Variants in RNF150 observed in about 807,000 individuals in gnomAD.
RNF150 encodes the protein ring finger protein 150.
Under a neutral mutation model 39.3 loss-of-function variants are expected in RNF150, and 24 were observed. That is an observed-to-expected ratio of 0.61 (90% confidence interval 0.44 to 0.86). The LOEUF (loss-of-function observed/expected upper bound fraction) is 0.86, where lower values mean the gene tolerates loss of function less well. Among genes scored for constraint, RNF150 ranks in the 40% least tolerant of loss-of-function variants. The probability of loss-of-function intolerance (pLI) is 0.00; values close to 1 mark genes in which losing one functional copy is unlikely to be tolerated. For missense variants in RNF150, 502 were observed against 587.8 expected, an observed-to-expected ratio of 0.85 and a Z score of 1.51; for synonymous variants, 255 against 227.3, an observed-to-expected ratio of 1.12 and a Z score of -1.10.
intron 1 of RNF150, among the ~76,000 whole-genome samples, chr4:141,144,993 G>T (rs1285894173): frequency 6.6e-6 from 1 of 152,128 alleles, no homozygotes; most frequent in Non-Finnish European, 1.5e-5. Context: ...GTAACACATG[G>T]TCTGGACTTC....
At chr4:140,913,132 G>A (rs148813863) in intron 5 of RNF150, among the ~76,000 whole-genome samples, 3,144 of 152,228 alleles carry the variant, frequency 0.021, 28 homozygotes, top group East Asian at 0.039. Flanking sequence ...GTGGTGGTGC[G>A]CACCTGTAGT....
At chr4:141,183,628 T>G (rs955500163) in intron 1 of RNF150, among the ~76,000 whole-genome samples, 2 of 152,056 alleles carry the variant, frequency 1.3e-5, no homozygotes, top group African/African-American at 4.8e-5. Flanking sequence ...TGGTACTGTT[T>G]AAGCCCCACA....
At chr4:141,118,302 T>C (rs73849812) in intron 1 of RNF150, among the ~76,000 whole-genome samples, 1,823 of 152,312 alleles carry the variant, frequency 0.012, 36 homozygotes, top group African/African-American at 0.042. Context: ...CCTTGGCAAT[T>C]GAACATAGGT....
At chr4:140,968,554 T>C (rs1319325688) in intron 1 of RNF150, among the ~76,000 whole-genome samples, 3 of 151,730 alleles carry the variant, frequency 2.0e-5, no homozygotes, top group Non-Finnish European at 4.4e-5. Flanking sequence ...AGAAGTATGG[T>C]GCAATGTTTC....
At chr4:141,122,033 C>A (rs910024911) in intron 1 of RNF150, among the ~76,000 whole-genome samples, 11 of 152,138 alleles carry the variant, frequency 7.2e-5, no homozygotes, top group African/African-American at 2.7e-4. Context: ...AATATGCAGT[C>A]AGGGTGGAGA....
chr4:141,101,556 TTAAAA>T, intron 1 of RNF150, among the ~76,000 whole-genome samples: 1 of 152,230 alleles, frequency 6.6e-6, no homozygotes, highest in East Asian at 1.9e-4. Flanking sequence ...AGAGTATACT[TTAAAA>T]TAATAATAAA....
In RNF150 at chr4:140,862,899, C is replaced by A. The variant is rs1728548346; in HGVS notation, c.*5362G>T. On this transcript the variant is annotated 3_prime_UTR_variant, in exon 7 of 7. Transcript: ENST00000515673. ...TTTGACCAGCTCCCTGATCAGAGATCCTGCCATCCTCTTTTCTTACTTCCT... is the reference window on the plus strand; with the variant it reads ...TTTGACCAGCTCCCTGATCAGAGATACTGCCATCCTCTTTTCTTACTTCCT... The A allele has an allele frequency of 6.6e-6, 1 of 152,172 alleles. No homozygotes were observed. The highest frequency in any genetic ancestry group is 2.1e-4 in the South Asian group (1 of 4,818). 9.4% of individuals were successfully genotyped at this position (152,172 alleles called of 1,614,324 possible). A position where few individuals can be genotyped will look rare whatever the true frequency, so the allele number is the denominator to read the frequency against.
intron 1 of RNF150, among the ~76,000 whole-genome samples, chr4:141,087,102 T>C (rs1319269470): frequency 1.3e-5 from 2 of 152,190 alleles, no homozygotes; most frequent in Admixed American, 6.5e-5. Flanking sequence ...TTAAGCTCAG[T>C]GCTCAATAGT....
chr4:140,896,915 C>T (rs1054359075), intron 6 of RNF150, among the ~76,000 whole-genome samples: 2 of 152,082 alleles, frequency 1.3e-5, no homozygotes, highest in East Asian at 3.9e-4. Context: ...AGCAGACTTC[C>T]CCAGATAGCA....
chr4:141,023,394 C>T (rs1368857454), intron 1 of RNF150, among the ~76,000 whole-genome samples: 1 of 149,918 alleles, frequency 6.7e-6, no homozygotes, highest in African/African-American at 2.5e-5. Context: ...TACAGGCGTG[C>T]ACCACCACAC....
intron 1 of RNF150, among the ~76,000 whole-genome samples, chr4:141,091,361 A>G (rs1187969138): frequency 1.3e-5 from 2 of 152,212 alleles, no homozygotes; most frequent in African/African-American, 4.8e-5. Context: ...TAGGAATTTG[A>G]GATTTTTCTT....
At chr4:140,885,667 C>T (rs1204381477) in intron 6 of RNF150, among the ~76,000 whole-genome samples, 2 of 150,124 alleles carry the variant, frequency 1.3e-5, no homozygotes, top group Non-Finnish European at 3.0e-5. Context: ...AACTCCTGAC[C>T]TCAGGTGATC....
rs1429375663 is a variant in RNF150, at chr4:140,863,803, A to G, written c.*4458T>C. On this transcript the variant is annotated 3_prime_UTR_variant, in exon 7 of 7. Coordinates refer to ENST00000515673, the MANE Select transcript of RNF150 (RefSeq NM_020724.2). Reference sequence around the variant, plus strand: ...CGCTCCACAGAGGGAGTGACTCCATAGCCCAGATTTTTTGAAAAGTTTTGA... The same window carrying G: ...CGCTCCACAGAGGGAGTGACTCCATGGCCCAGATTTTTTGAAAAGTTTTGA... The G allele has an allele frequency of 2.0e-5, 3 of 152,094 alleles. No homozygotes were observed. Among genetic ancestry groups the G allele is most frequent in the African/African-American group, 7.2e-5 (3 of 41,444 alleles). 9.4% of individuals were successfully genotyped at this position (152,094 alleles called of 1,614,324 possible). A position where few individuals can be genotyped will look rare whatever the true frequency, so the allele number is the denominator to read the frequency against.
chr4:141,050,459 C>T (rs544339964), intron 1 of RNF150, among the ~76,000 whole-genome samples: 37 of 152,330 alleles, frequency 2.4e-4, no homozygotes, highest in African/African-American at 7.7e-4. Context: ...AAAGGCAAGA[C>T]CCTTCTGCCT....
At chr4:141,102,361 T>C (rs1434968381) in intron 1 of RNF150, among the ~76,000 whole-genome samples, 1 of 152,132 alleles carries the variant, frequency 6.6e-6, no homozygotes, top group East Asian at 1.9e-4. Context: ...TAAACTCACA[T>C]ATTAAATAAT....
At chr4:141,041,496 A>C (rs1736370941) in intron 1 of RNF150, among the ~76,000 whole-genome samples, 1 of 152,112 alleles carries the variant, frequency 6.6e-6, no homozygotes, top group African/African-American at 2.4e-5. Context: ...ACACAAAAAA[A>C]CTATACTTCT....
chr4:141,045,541 T>C (rs1448075877), intron 1 of RNF150, among the ~76,000 whole-genome samples: 1 of 152,008 alleles, frequency 6.6e-6, no homozygotes, highest in African/African-American at 2.4e-5. Flanking sequence ...TTTTATTTTT[T>C]ATTTATTTAT....
At chr4:141,123,442 A>C (rs1212868291) in intron 1 of RNF150, among the ~76,000 whole-genome samples, 2 of 152,198 alleles carry the variant, frequency 1.3e-5, no homozygotes, top group Non-Finnish European at 2.9e-5. Context: ...TCCTTCCAAA[A>C]AATTTATAAG....
At chr4:140,934,698 C>G in intron 4 of RNF150, among the ~76,000 whole-genome samples, 1 of 151,810 alleles carries the variant, frequency 6.6e-6, no homozygotes, top group African/African-American at 2.4e-5. Flanking sequence ...TAGCCAAAAC[C>G]ATATCCCCAG....
Sources: allele counts gnomAD v4.1 joint callset (sites outside exome capture counted in the v4.1 genomes callset), GRCh38; gene constraint gnomAD v4.1.1; transcripts MANE v1.5; gene names NCBI Gene and HGNC (gene_info 2026-07-23, HGNC 2026-07-21).